The following NXPE4 variants were observed in gnomAD, a reference collection of about 807,000 sequenced individuals.
NXPE4 encodes NXPE family member 4.
NXPE4 carries 42 observed loss-of-function variants against 33.3 expected under a neutral mutation model. The ratio of observed to expected loss-of-function variants is 1.26; its 90% CI spans 0.98 to 1.63. The LOEUF is 1.63. Among genes scored for constraint, NXPE4 ranks in the 40% most tolerant of loss-of-function variants. The pLI is 0.00. For synonymous variants in NXPE4, 253 were observed against 234.9 expected, an observed-to-expected ratio of 1.08 and a Z score of -0.71; for missense variants, 709 against 647.6, an observed-to-expected ratio of 1.09 and a Z score of -1.03.
chr11:114,578,542 T>C (rs61570432), intron 5 of NXPE4, among the ~76,000 whole-genome samples: 2,854 of 152,258 alleles, frequency 0.019, 73 homozygotes, highest in African/African-American at 0.064. Flanking sequence ...CTTCCTTCCA[T>C]TGAGAATTTT....
the NXPE4 span, among the ~76,000 whole-genome samples, chr11:114,650,522 C>T: frequency 2.0e-5 from 3 of 152,148 alleles, no homozygotes; most frequent in Non-Finnish European, 2.9e-5. Flanking sequence ...AAGCAACAGC[C>T]TTACATCAAT....
the NXPE4 span, among the ~76,000 whole-genome samples, chr11:114,651,047 T>C: frequency 4.3e-3 from 653 of 152,086 alleles, 2 homozygotes; most frequent in African/African-American, 0.015. Flanking sequence ...ACATTGAAGG[T>C]AATAATATAA....
chr11:114,648,911 T>A, the NXPE4 span, among the ~76,000 whole-genome samples: 1 of 151,690 alleles, frequency 6.6e-6, no homozygotes, highest in East Asian at 1.9e-4. Context: ...ACGAAGTCAA[T>A]ACATCTTATG....
chr11:114,570,831 T>C lies in NXPE4; in HGVS notation c.*107A>G. The stretch of plus-strand genomic sequence containing the variant: ...TGGATCAGCCATAATGTAGATTCTC[T>C]GCTCTTGCTAGTTGGGAATTCAGAG... On this transcript the variant is annotated 3_prime_UTR_variant, in exon 6 of 6. Transcript: ENST00000375478. 4.2e-6 allele frequency: 3 copies of C among 708,316 alleles called. No homozygotes were observed. The highest frequency in any genetic ancestry group is 4.2e-5 in the South Asian group (2 of 47,492). 43.9% of individuals were successfully genotyped at this position (708,316 alleles called of 1,614,324 possible). A position where few individuals can be genotyped will look rare whatever the true frequency, so the allele number is the denominator to read the frequency against.
At chr11:114,636,494 C>T in the NXPE4 span, among the ~76,000 whole-genome samples, 1 of 151,668 alleles carries the variant, frequency 6.6e-6, no homozygotes, top group East Asian at 1.9e-4. Flanking sequence ...TTATTTCTTG[C>T]CTTCTGCTAG....
chr11:114,665,719 T>A, the NXPE4 span, among the ~76,000 whole-genome samples: 7 of 152,082 alleles, frequency 4.6e-5, no homozygotes, highest in Non-Finnish European at 1.0e-4. Flanking sequence ...GTGGCAAACA[T>A]CCACAGATGA....
At chr11:114,620,764 G>A in the NXPE4 span, among the ~76,000 whole-genome samples, 3 of 152,178 alleles carry the variant, frequency 2.0e-5, no homozygotes, top group East Asian at 1.9e-4. Context: ...ATTGCCTCAT[G>A]TCTAACCACT....
the NXPE4 span, among the ~76,000 whole-genome samples, chr11:114,636,304 G>C: frequency 6.6e-6 from 1 of 151,996 alleles, no homozygotes; most frequent in Non-Finnish European, 1.5e-5. Flanking sequence ...GAGATCGGTG[G>C]TGATATCCCC....
the NXPE4 span, among the ~76,000 whole-genome samples, chr11:114,652,412 A>C: frequency 9.8e-5 from 15 of 152,346 alleles, no homozygotes; most frequent in African/African-American, 3.6e-4. Context: ...TTCAGTGTCC[A>C]GAGTGAGATT....
At chr11:114,648,827 C>T in the NXPE4 span, among the ~76,000 whole-genome samples, 1 of 152,064 alleles carries the variant, frequency 6.6e-6, no homozygotes, top group Non-Finnish European at 1.5e-5. Context: ...AACTTAAATA[C>T]TTGATATCTT....
the NXPE4 span, among the ~76,000 whole-genome samples, chr11:114,651,161 A>G: frequency 6.6e-5 from 10 of 152,284 alleles, no homozygotes; most frequent in African/African-American, 2.4e-4. Flanking sequence ...GGTCTCGCTT[A>G]CTTCAAGAAT....
At chr11:114,630,620 C>T in the NXPE4 span, among the ~76,000 whole-genome samples, 1 of 151,236 alleles carries the variant, frequency 6.6e-6, no homozygotes, top group Non-Finnish European at 1.5e-5. Flanking sequence ...TGGGCAAGGA[C>T]TTCATGTCTA....
At chr11:114,626,220 G>A in the NXPE4 span, among the ~76,000 whole-genome samples, 1,468 of 152,326 alleles carry the variant, frequency 9.6e-3, 25 homozygotes, top group Middle Eastern at 0.017. Context: ...ACCTCTGGGG[G>A]CAGGGCACAG....
At chr11:114,583,824 G>A (rs752995050) in intron 2 of NXPE4, 1 of 421,946 alleles carries the variant, frequency 2.4e-6, no homozygotes. Flanking sequence ...TATATTACAG[G>A]CTAGGCCAGG....
chr11:114,599,120 G>A (rs769982536), upstream of NXPE4, among the ~76,000 whole-genome samples: 1 of 152,022 alleles, frequency 6.6e-6, no homozygotes, highest in Non-Finnish European at 1.5e-5. Context: ...GCTGCTTCTT[G>A]AACACTTTGC....
the NXPE4 span, among the ~76,000 whole-genome samples, chr11:114,639,281 A>C: frequency 6.6e-6 from 1 of 152,076 alleles, no homozygotes; most frequent in Non-Finnish European, 1.5e-5. Context: ...CAGGTGCAGG[A>C]TATAATCTCC....
chr11:114,610,323 T>A, the NXPE4 span, among the ~76,000 whole-genome samples: 1 of 151,712 alleles, frequency 6.6e-6, no homozygotes, highest in African/African-American at 2.4e-5. Flanking sequence ...TGTTATCCGG[T>A]GAATAATAAG....
the NXPE4 span, among the ~76,000 whole-genome samples, chr11:114,627,901 C>A: frequency 6.6e-6 from 1 of 151,622 alleles, no homozygotes; most frequent in African/African-American, 2.4e-5. Context: ...TTTAAACCAA[C>A]AAAGATCAAA....
At chr11:114,625,963 C>A in the NXPE4 span, among the ~76,000 whole-genome samples, 2 of 151,812 alleles carry the variant, frequency 1.3e-5, no homozygotes, top group Admixed American at 1.3e-4. Flanking sequence ...CTGCACTTTT[C>A]CGATGGGCTT....
Sources: allele counts gnomAD v4.1 joint callset (sites outside exome capture counted in the v4.1 genomes callset), GRCh38; gene constraint gnomAD v4.1.1; transcripts MANE v1.5; gene names NCBI Gene and HGNC (gene_info 2026-07-23, HGNC 2026-07-21).